The following DAB1 variants were observed in gnomAD, a reference collection of about 807,000 sequenced individuals.
The protein encoded by DAB1 is disabled homolog 1.
In DAB1, 15 loss-of-function variants were observed where a neutral mutation model predicts 64.6. The ratio of observed to expected loss-of-function variants is 0.23; its 90% CI spans 0.16 to 0.36. The LOEUF (loss-of-function observed/expected upper bound fraction) is 0.36. Ranked by LOEUF, DAB1 falls within the 10% of genes least tolerant of loss-of-function variation. The pLI, the probability that DAB1 is intolerant of heterozygous loss-of-function variation, is 1.00. For synonymous variants in DAB1, 235 were observed against 251.9 expected, an observed-to-expected ratio of 0.93 and a Z score of 0.64; for missense variants, 596 against 706.7, an observed-to-expected ratio of 0.84 and a Z score of 1.78.
intron 1 of DAB1, among the ~76,000 whole-genome samples, chr1:57,368,620 G>A (rs1356126561): frequency 6.6e-6 from 1 of 152,226 alleles, no homozygotes; most frequent in East Asian, 1.9e-4. Flanking sequence ...TCTGGTGAGA[G>A]CTGAACACTT....
chr1:57,253,808 G>T (rs1328248748), intron 2 of DAB1, among the ~76,000 whole-genome samples: 1 of 151,918 alleles, frequency 6.6e-6, no homozygotes, highest in Non-Finnish European at 1.5e-5. Context: ...CATTGAAGGG[G>T]GAAGGATGCC....
intron 5 of DAB1, among the ~76,000 whole-genome samples, chr1:57,967,477 T>G (rs1645695600): frequency 6.6e-6 from 1 of 152,190 alleles, no homozygotes; most frequent in African/African-American, 2.4e-5. Flanking sequence ...CTCTGTGTCC[T>G]TATTATGGCT....
At chr1:58,345,175 C>A (rs1643981598) in intron 3 of DAB1, among the ~76,000 whole-genome samples, 1 of 152,150 alleles carries the variant, frequency 6.6e-6, no homozygotes, top group Non-Finnish European at 1.5e-5. Context: ...ATCTCTTAGC[C>A]CACAATTTAA....
At chr1:57,427,383 C>T (rs1462511700), upstream of DAB1, among the ~76,000 whole-genome samples, 2 of 152,160 alleles carry the variant, frequency 1.3e-5, no homozygotes, top group Non-Finnish European at 2.9e-5. Flanking sequence ...AAGACACAGG[C>T]ATGAGCAGCC....
chr1:57,422,695 A>C (rs772041206), intron 1 of DAB1, among the ~76,000 whole-genome samples: 1 of 152,088 alleles, frequency 6.6e-6, no homozygotes, highest in East Asian at 1.9e-4. Flanking sequence ...CAGACCCCCA[A>C]CAATGAGGAT....
intron 5 of DAB1, among the ~76,000 whole-genome samples, chr1:58,133,184 G>T (rs531713334): frequency 6.6e-6 from 1 of 152,260 alleles, no homozygotes; most frequent in South Asian, 2.1e-4. Context: ...GACTTTTTTA[G>T]TCTCAACACT....
At chr1:57,059,456 C>T (rs1281337404) in intron 9 of DAB1, among the ~76,000 whole-genome samples, 1 of 152,130 alleles carries the variant, frequency 6.6e-6, no homozygotes, top group Non-Finnish European at 1.5e-5. Context: ...CTGGAAGCTG[C>T]TTAACATACA....
intron 1 of DAB1, among the ~76,000 whole-genome samples, chr1:57,412,758 G>A (rs1338828221): frequency 6.6e-6 from 1 of 152,138 alleles, no homozygotes; most frequent in Non-Finnish European, 1.5e-5. Context: ...TGAATTATAA[G>A]GAAAGAAGCC....
At chr1:57,291,415 C>A (rs1672765020) in intron 1 of DAB1, among the ~76,000 whole-genome samples, 1 of 152,232 alleles carries the variant, frequency 6.6e-6, no homozygotes, top group Non-Finnish European at 1.5e-5. Context: ...ATAAGAGGGA[C>A]AAAACCCAAC....
chr1:57,371,264 T>G (rs895622435), intron 1 of DAB1, among the ~76,000 whole-genome samples: 1 of 152,174 alleles, frequency 6.6e-6, no homozygotes, highest in African/African-American at 2.4e-5. Flanking sequence ...CCGTCGAGTA[T>G]CCCACATCCA....
intron 9 of DAB1, among the ~76,000 whole-genome samples, chr1:57,055,727 A>T (rs1479472110): frequency 3.3e-5 from 5 of 152,178 alleles, no homozygotes; most frequent in African/African-American, 1.2e-4. Context: ...GCTCTAAGAC[A>T]GAGGTTGAGG....
intron 5 of DAB1, among the ~76,000 whole-genome samples, chr1:58,088,754 C>A (rs1485796553): frequency 6.6e-6 from 1 of 152,086 alleles, no homozygotes; most frequent in Non-Finnish European, 1.5e-5. Context: ...GAAAGGGTGT[C>A]AAATAAGACA....
chr1:58,085,311 C>T (rs984799613), intron 5 of DAB1, among the ~76,000 whole-genome samples: 7 of 152,074 alleles, frequency 4.6e-5, no homozygotes, highest in African/African-American at 9.7e-5. Flanking sequence ...AGCAAACCAG[C>T]GGCTCCATAT....
intron 5 of DAB1, among the ~76,000 whole-genome samples, chr1:58,064,294 T>C (rs1648697195): frequency 6.6e-6 from 1 of 152,204 alleles, no homozygotes; most frequent in Admixed American, 6.5e-5. Flanking sequence ...AAATATGGCA[T>C]GTGTTTAGAG....
intron 3 of DAB1, among the ~76,000 whole-genome samples, chr1:58,375,494 C>T (rs1406843649): frequency 5.9e-5 from 8 of 135,924 alleles, no homozygotes; most frequent in Non-Finnish European, 1.1e-4. Context: ...TATTGATTTG[C>T]GTATATTGAA....
intron 7 of DAB1, among the ~76,000 whole-genome samples, chr1:57,450,084 A>G (rs907934964): frequency 6.6e-6 from 1 of 152,244 alleles, no homozygotes; most frequent in Non-Finnish European, 1.5e-5. Context: ...TCCCTTATCC[A>G]AAACTGTTAA....
chr1:58,459,289 G>A (rs1358304260), intron 3 of DAB1, among the ~76,000 whole-genome samples: 3 of 152,222 alleles, frequency 2.0e-5, no homozygotes, highest in Admixed American at 2.0e-4. Flanking sequence ...TTCAGAAATT[G>A]GGGAACAGCT....
chr1:57,862,549 A>C (rs2101944174), intron 1 of DAB1: 1 of 152,328 alleles, frequency 6.6e-6, no homozygotes, highest in African/African-American at 2.4e-5. Context: ...AAAATATTTG[A>C]AAAAGATTTA....
chr1:57,115,003 A>G (rs1655984330), intron 4 of DAB1, among the ~76,000 whole-genome samples: 1 of 152,126 alleles, frequency 6.6e-6, no homozygotes. Context: ...GAATAAATGC[A>G]TGTAAAGTGT....
Sources: gnomAD v4.1 joint callset for allele counts (sites outside exome capture counted in the v4.1 genomes callset) on GRCh38, gnomAD v4.1.1 for gene constraint, MANE v1.5 for transcripts, NCBI Gene and HGNC (gene_info 2026-07-23, HGNC 2026-07-21) for gene names.